The following BAZ1A variants were observed in gnomAD, a reference collection of about 807,000 sequenced individuals.
BAZ1A encodes the protein bromodomain adjacent to zinc finger domain protein 1A.
BAZ1A carries 50 observed loss-of-function variants against 185.2 expected under a neutral mutation model. That is an observed-to-expected ratio of 0.27 (90% CI 0.22 to 0.34). BAZ1A has a LOEUF of 0.34. BAZ1A is among the 10% of genes least tolerant of loss of function. The pLI is 1.00. For missense variants in BAZ1A, 1,356 were observed against 1,839.9 expected (o/e 0.74, Z 4.81); for synonymous variants, 571 against 615.6 (o/e 0.93, Z 1.07).
intron 2 of BAZ1A, among the ~76,000 whole-genome samples, chr14:34,868,851 A>C (rs1220653367): frequency 6.6e-6 from 1 of 151,326 alleles, no homozygotes; most frequent in East Asian, 1.9e-4. Flanking sequence ...AGTGTACTCT[A>C]CTTAGGGGCC....
chr14:34,753,981 G>A (rs1167651868), intron 26 of BAZ1A, among the ~76,000 whole-genome samples: 5 of 151,584 alleles, frequency 3.3e-5, no homozygotes, highest in East Asian at 3.9e-4. Context: ...AGCCACTTGC[G>A]GTGGTTCAAG....
intron 12 of BAZ1A, among the ~76,000 whole-genome samples, chr14:34,789,321 GA>G (rs1880695123): frequency 6.6e-6 from 1 of 152,082 alleles, no homozygotes; most frequent in Non-Finnish European, 1.5e-5. Context: ...TTTAGGAAAT[GA>G]AAAACCAATG....
At chr14:34,858,105 C>A (rs1434321425) in intron 3 of BAZ1A, among the ~76,000 whole-genome samples, 1 of 152,026 alleles carries the variant, frequency 6.6e-6, no homozygotes, top group Non-Finnish European at 1.5e-5. Context: ...AAACCACCAA[C>A]AACAAAATAA....
rs79417136 is a variant in BAZ1A, at chr14:34,790,274, T to C, written c.1510+2501A>G. On this transcript the variant is annotated intron_variant, in intron 12 of 26. Coordinates refer to ENST00000360310, the MANE Select transcript of BAZ1A (RefSeq NM_013448.3). Reference sequence around the variant, plus strand: ...GCCTCAAACTCCCAGGGTCAAACAATCCTCCCACTTCAGCCTCCCAAGTAG... The same window carrying C: ...GCCTCAAACTCCCAGGGTCAAACAACCCTCCCACTTCAGCCTCCCAAGTAG... 5.5e-3 allele frequency among the ~76,000 whole-genome samples: 839 copies of C among 151,736 alleles called. 26 individuals are homozygous for C. The highest frequency in any genetic ancestry group is 0.038 in the Admixed American group (579 of 15,210).
At chr14:34,823,559 C>CT (rs2042119008) in intron 4 of BAZ1A, among the ~76,000 whole-genome samples, 1 of 151,960 alleles carries the variant, frequency 6.6e-6, no homozygotes, top group South Asian at 2.1e-4. Context: ...ACTAGAGGGG[C>CT]TGAGGCAGGA....
At position 34,783,210 on chromosome 14, in the gene BAZ1A, T is replaced by C; in HGVS notation, c.2020A>G (p.Lys674Glu). Residue 674 changes from lysine to glutamate, a missense_variant, in exon 16 of 27, where the codon AAA becomes GAA. Physicochemically the swap from Lys to Glu is moderately conservative, Grantham distance 56. Transcript: ENST00000360310. ...AARIRKRKEE[K>E]LKEQEQKMKE... is the part of the protein sequence containing the mutation. ...ATTTTTTGTTCTTGCTCCTTAAGTT[T>C]TTCTTCCTTCCTTTTACGAATTCTA... 1 of 1,598,058 alleles carries C rather than the reference T, an allele frequency of 6.3e-7. No individual in the cohort carries two copies. Among genetic ancestry groups the C allele is most frequent in the Non-Finnish European group, 8.5e-7 (1 of 1,169,616 alleles).
rs903696640 is a variant in BAZ1A, at chr14:34,776,396, C to G, written c.2356G>C (p.Glu786Gln). The G allele has an allele frequency of 6.2e-6, 10 of 1,613,948 alleles. No homozygotes were observed. Among genetic ancestry groups the G allele is most frequent in the Non-Finnish European group, 8.5e-6 (10 of 1,180,022 alleles). Residue 786 changes from glutamate to glutamine, a missense_variant, in exon 18 of 27, where the codon GAG (glutamate) becomes CAG (glutamine). Glu to Gln is a conservative substitution (Grantham distance 29). Coordinates refer to ENST00000360310, the MANE Select transcript of BAZ1A (RefSeq NM_013448.3). The part of the protein sequence containing the change: ...EALKQEHQRK[E>Q]KELLEKIQSA... ...TGGATTTTTTCTAAGAGCTCTTTCT[C>G]TTTTCGTTGGTGTTCCTGTTTTAAT...
At chr14:34,846,932 C>A (rs1315697531) in intron 3 of BAZ1A, among the ~76,000 whole-genome samples, 6 of 151,984 alleles carry the variant, frequency 3.9e-5, no homozygotes, top group Non-Finnish European at 8.8e-5. Flanking sequence ...ACAGTTATCC[C>A]AAATAACAAT....
chr14:34,868,698 C>A (rs2383680), intron 2 of BAZ1A, among the ~76,000 whole-genome samples: 2 of 151,680 alleles, frequency 1.3e-5, no homozygotes, highest in South Asian at 4.1e-4. Context: ...CTACTCGGGA[C>A]GCTGAGGTGG....
At chr14:34,789,559 A>G (rs755569037) in intron 12 of BAZ1A, among the ~76,000 whole-genome samples, 1 of 152,212 alleles carries the variant, frequency 6.6e-6, no homozygotes, top group African/African-American at 2.4e-5. Flanking sequence ...TTAGGTGCAT[A>G]CAATTCCAAC....
chr14:34,816,723 G>C, intron 4 of BAZ1A: 1 of 309,788 alleles, frequency 3.2e-6, no homozygotes. Context: ...ACCTATACCT[G>C]GCACATCTGG....
rs79471621 is a variant in BAZ1A, at chr14:34,773,834, G to T, written c.2998-108C>A. 2,387 of 1,154,866 alleles carry T rather than the reference G, an allele frequency of 2.1e-3. 5 individuals carry two copies. Among genetic ancestry groups the T allele is most frequent in the Non-Finnish European group, 2.6e-3 (2,150 of 818,696 alleles). 71.5% of individuals were successfully genotyped at this position (1,154,866 alleles called of 1,614,324 possible). On this transcript the variant is annotated intron_variant, in intron 19 of 26. Transcript: ENST00000360310. ...ATCAATTCATGGATATTTTAGAAAT[G>T]ATTATGAATCAAAAAGGTATCTAAA...
intron 2 of BAZ1A, among the ~76,000 whole-genome samples, chr14:34,870,260 G>A (rs1391434613): frequency 6.6e-6 from 1 of 152,136 alleles, no homozygotes; most frequent in Non-Finnish European, 1.5e-5. Context: ...AAGCATTTAG[G>A]AATCTCTGCT....
chr14:34,822,070 G>GT (rs1395101107), intron 4 of BAZ1A, among the ~76,000 whole-genome samples: 1 of 152,044 alleles, frequency 6.6e-6, no homozygotes, highest in African/African-American at 2.4e-5. Flanking sequence ...CAAGGCGGGT[G>GT]TATCACCTGA....
intron 5 of BAZ1A, among the ~76,000 whole-genome samples, chr14:34,808,255 A>T (rs1030320759): frequency 2.0e-5 from 3 of 152,134 alleles, no homozygotes; most frequent in African/African-American, 7.2e-5. Context: ...GCACTTTGGG[A>T]GGCTGAGGAG....
At chr14:34,804,011 GTATT>G (rs979566812) in intron 6 of BAZ1A, among the ~76,000 whole-genome samples, 2 of 151,858 alleles carry the variant, frequency 1.3e-5, no homozygotes, top group East Asian at 1.9e-4. Flanking sequence ...TTTTATTTAC[GTATT>G]TATTTATTTT....
intron 3 of BAZ1A, among the ~76,000 whole-genome samples, chr14:34,841,603 T>C (rs572657362): frequency 3.3e-5 from 5 of 152,204 alleles, no homozygotes; most frequent in Non-Finnish European, 7.3e-5. Context: ...TTGGCCAGGC[T>C]GGTCTCAAAC....
chr14:34,771,995 C>T (rs551168447), intron 20 of BAZ1A, among the ~76,000 whole-genome samples: 70 of 152,096 alleles, frequency 4.6e-4, no homozygotes, highest in African/African-American at 1.6e-3. Flanking sequence ...CGCACTGTTG[C>T]CCAGGCTGGA....
intron 23 of BAZ1A, among the ~76,000 whole-genome samples, chr14:34,764,088 G>A (rs553326006): frequency 6.6e-6 from 1 of 152,250 alleles, no homozygotes; most frequent in South Asian, 2.1e-4. Context: ...ATGCTAAGTT[G>A]CAGAATACTT....
Sources: gnomAD v4.1 joint callset for allele counts (sites outside exome capture counted in the v4.1 genomes callset) on GRCh38, gnomAD v4.1.1 for gene constraint, MANE v1.5 for transcripts, NCBI Gene and HGNC (gene_info 2026-07-23, HGNC 2026-07-21) for gene names.